Variants in PLPP3 observed in about 807,000 individuals in gnomAD.
PLPP3 encodes PAP2 beta.
In PLPP3, 6 loss-of-function variants were observed where a neutral mutation model predicts 29.6. The ratio of observed to expected loss-of-function variants is 0.20; its 90% CI spans 0.11 to 0.40. The LOEUF (loss-of-function observed/expected upper bound fraction) is 0.40. PLPP3 is among the 10% of genes least tolerant of loss of function. PLPP3 has a pLI of 1.00. For synonymous variants in PLPP3, 152 were observed against 159.7 expected (o/e 0.95, Z 0.36); for missense variants, 308 against 407.7 (o/e 0.76, Z 2.11).
intron 5 of PLPP3, among the ~76,000 whole-genome samples, chr1:56,506,615 CA>C: frequency 6.6e-6 from 1 of 152,338 alleles, no homozygotes; most frequent in Non-Finnish European, 1.5e-5. Context: ...CCTAATTTGC[CA>C]TCTGTTAGAG....
chr1:56,518,260 T>A (rs543976524), intron 4 of PLPP3, among the ~76,000 whole-genome samples: 1 of 152,140 alleles, frequency 6.6e-6, no homozygotes, highest in Non-Finnish European at 1.5e-5. Flanking sequence ...CTCGTGGGCA[T>A]ACCAGACCCT....
chr1:56,569,837 T>G (rs1646186085), intron 1 of PLPP3, among the ~76,000 whole-genome samples: 1 of 152,194 alleles, frequency 6.6e-6, no homozygotes, highest in Non-Finnish European at 1.5e-5. Context: ...AATAGGTCCC[T>G]GCTTCCAAGT....
intron 4 of PLPP3, among the ~76,000 whole-genome samples, chr1:56,519,634 C>T (rs1645805146): frequency 1.3e-5 from 2 of 152,120 alleles, no homozygotes; most frequent in Admixed American, 1.3e-4. Flanking sequence ...AGCATGTCAT[C>T]CTCAGTCTCC....
intron 4 of PLPP3, among the ~76,000 whole-genome samples, chr1:56,515,333 G>T (rs564315772): frequency 6.6e-6 from 1 of 152,240 alleles, no homozygotes. Flanking sequence ...GAAAATGCTT[G>T]TTACGAGTCC....
intron 1 of PLPP3, among the ~76,000 whole-genome samples, chr1:56,569,858 G>A (rs1056972413): frequency 1.3e-5 from 2 of 152,164 alleles, no homozygotes; most frequent in African/African-American, 2.4e-5. Context: ...CTCAGCACCT[G>A]TGCTTCACTC....
At chr1:56,533,564 C>A (rs1645904931) in intron 2 of PLPP3, among the ~76,000 whole-genome samples, 1 of 151,800 alleles carries the variant, frequency 6.6e-6, no homozygotes, top group African/African-American at 2.4e-5. Flanking sequence ...ATCCTTGAGC[C>A]CCGGTTGAGT....
At chr1:56,523,495 T>C (rs1645832641) in intron 4 of PLPP3, among the ~76,000 whole-genome samples, 1 of 152,166 alleles carries the variant, frequency 6.6e-6, no homozygotes, top group African/African-American at 2.4e-5. Flanking sequence ...CCAGGGGTTT[T>C]TGTAACGGCA....
intron 1 of PLPP3, 114 bp from the exon 2 acceptor site, chr1:56,537,226 G>T: frequency 2.6e-6 from 3 of 1,163,062 alleles, no homozygotes; most frequent in East Asian, 2.5e-5. Flanking sequence ...ATCACTGAGA[G>T]TGATAATCGT....
intron 4 of PLPP3, among the ~76,000 whole-genome samples, chr1:56,518,071 G>A (rs920695127): frequency 1.3e-5 from 2 of 152,138 alleles, no homozygotes; most frequent in African/African-American, 4.8e-5. Context: ...GTGTCCCCAG[G>A]CACTCACACA....
At chr1:56,506,575 C>T (rs1005753843) in intron 5 of PLPP3, among the ~76,000 whole-genome samples, 7 of 152,156 alleles carry the variant, frequency 4.6e-5, no homozygotes, top group African/African-American at 1.2e-4. Flanking sequence ...CAATGGCAGC[C>T]GGGCCCTCCC....
At chr1:56,547,185 C>G (rs1319949193) in intron 1 of PLPP3, among the ~76,000 whole-genome samples, 1 of 152,124 alleles carries the variant, frequency 6.6e-6, no homozygotes, top group East Asian at 1.9e-4. Flanking sequence ...TTATTCCTTT[C>G]CCATAAATCT....
chr1:56,574,198 C>CAAAA (rs796800020), intron 1 of PLPP3, among the ~76,000 whole-genome samples: 1 of 109,932 alleles, frequency 9.1e-6, no homozygotes. Context: ...GACTCTGTCT[C>CAAAA]AAAAAAAAAA....
At chr1:56,571,916 A>T (rs1646200951) in intron 1 of PLPP3, among the ~76,000 whole-genome samples, 1 of 151,966 alleles carries the variant, frequency 6.6e-6, no homozygotes, top group South Asian at 2.1e-4. Context: ...TATAAAAGGG[A>T]TCGTCTCTAT....
At chr1:56,545,646 TG>T (rs1278237831) in intron 1 of PLPP3, among the ~76,000 whole-genome samples, 27 of 152,330 alleles carry the variant, frequency 1.8e-4, no homozygotes, top group Middle Eastern at 3.4e-3. Flanking sequence ...CACATGATGC[TG>T]TATCGGAGGC....
rs1646261193 is a variant in PLPP3, at chr1:56,579,385, T to C, written c.-369A>G. The stretch of plus-strand genomic sequence containing the variant: ...GGGCAGCGCGGGCGCTCGGCCACCT[T>C]CCTCCGCAGCTGGTTCCTTAATGAA... On this transcript the variant is annotated 5_prime_UTR_variant, in exon 1 of 6. Coordinates refer to ENST00000371250, the MANE Select transcript of PLPP3 (RefSeq NM_003713.5). 4.3e-5 allele frequency: 11 copies of C among 255,594 alleles called. No individual in the cohort carries two copies. The South Asian group carries it at 4.6e-4, about 11-fold the overall frequency. The allele number at this position is 255,594 out of a possible 1,614,324, so 15.8% of individuals were successfully genotyped here.
intron 2 of PLPP3, among the ~76,000 whole-genome samples, chr1:56,527,447 C>A (rs2100253860): frequency 6.6e-6 from 1 of 152,224 alleles, no homozygotes; most frequent in East Asian, 1.9e-4. Context: ...AAGAGTAGAG[C>A]CCAGGTATTC....
At chr1:56,562,468 C>T (rs894224748) in intron 1 of PLPP3, among the ~76,000 whole-genome samples, 1 of 151,628 alleles carries the variant, frequency 6.6e-6, no homozygotes, top group African/African-American at 2.4e-5. Flanking sequence ...AAAATGCAGT[C>T]GAAAAAGGAA....
chr1:56,554,073 T>C (rs532516943), intron 1 of PLPP3, among the ~76,000 whole-genome samples: 37 of 152,170 alleles, frequency 2.4e-4, no homozygotes, highest in African/African-American at 8.9e-4. Context: ...CTTTGGCTTT[T>C]TTTTTAATGA....
chr1:56,516,049 A>G (rs1288329364), intron 4 of PLPP3, among the ~76,000 whole-genome samples: 1 of 152,212 alleles, frequency 6.6e-6, no homozygotes, highest in African/African-American at 2.4e-5. Context: ...CAATTTCACC[A>G]AAACAAGTAA....
Sources: gnomAD v4.1 joint callset for allele counts (sites outside exome capture counted in the v4.1 genomes callset) on GRCh38, gnomAD v4.1.1 for gene constraint, MANE v1.5 for transcripts, NCBI Gene and HGNC (gene_info 2026-07-23, HGNC 2026-07-21) for gene names.